POLR3A: variants seen among roughly 807,000 people sequenced by gnomAD.
POLR3A encodes the protein DNA-directed RNA polymerase III subunit RPC1.
POLR3A carries 112 observed loss-of-function variants against 152.8 expected under a neutral mutation model. The ratio of observed to expected loss-of-function variants is 0.73; its 90% CI spans 0.63 to 0.86. The LOEUF (loss-of-function observed/expected upper bound fraction) is 0.86, where lower values mean the gene tolerates loss of function less well. Among genes scored for constraint, POLR3A ranks in the 40% least tolerant of loss-of-function variants. The pLI, the probability that POLR3A is intolerant of heterozygous loss-of-function variation, is 0.00. For missense variants in POLR3A, 1,385 were observed against 1,743.1 expected, an observed-to-expected ratio of 0.79 and a Z score of 3.66; for synonymous variants, 615 against 652.1, an observed-to-expected ratio of 0.94 and a Z score of 0.87.
chr10:77,996,339 C>G (rs572336810), intron 19 of POLR3A, among the ~76,000 whole-genome samples: 137 of 152,126 alleles, frequency 9.0e-4, no homozygotes, highest in Non-Finnish European at 1.8e-3. Context: ...ACTAGAGACA[C>G]AAAAAACCCT....
At chr10:78,011,407 CTG>C (rs558918361) in intron 11 of POLR3A, among the ~76,000 whole-genome samples, 1 of 152,158 alleles carries the variant, frequency 6.6e-6, no homozygotes, top group Non-Finnish European at 1.5e-5. Flanking sequence ...AAAGAAGGCT[CTG>C]TGTGTATGAG....
At chr10:78,019,708 A>G in intron 8 of POLR3A, 1 of 204,298 alleles carries the variant, frequency 4.9e-6, no homozygotes, top group South Asian at 8.6e-5. Flanking sequence ...CTTGTGGAAC[A>G]CCATTTTGGA....
intron 21 of POLR3A, among the ~76,000 whole-genome samples, chr10:77,988,097 C>CA (rs1297199594): frequency 6.6e-6 from 1 of 152,220 alleles, no homozygotes; most frequent in Admixed American, 6.5e-5. Context: ...TGTCAGTTCC[C>CA]ATGAATACTG....
chr10:77,982,826 T>C lies in POLR3A; in HGVS notation c.3430-9A>G, dbSNP rs757870954. 1 of 1,612,668 alleles carries C rather than the reference T, an allele frequency of 6.2e-7. No individual in the cohort carries two copies. ...ACTGTCTCAGCGTTCACCTGCAACA[T>C]GGCCAGGTGTAGGTGTTACTGATTC... On this transcript the variant is annotated splice_polypyrimidine_tract_variant and intron_variant, in intron 26 of 30. Coordinates refer to ENST00000372371, the MANE Select transcript of POLR3A (RefSeq NM_007055.4).
chr10:77,979,995 C>T, intron 30 of POLR3A, 146 bp downstream of exon 30: 1 of 773,046 alleles, frequency 1.3e-6, no homozygotes, highest in South Asian at 1.4e-5. Flanking sequence ...AAAGATCCAG[C>T]AGTTCCAATT....
chr10:77,982,579 C>G, intron 27 of POLR3A, 74 bp downstream of exon 27: 1 of 1,354,988 alleles, frequency 7.4e-7, no homozygotes, highest in Non-Finnish European at 1.1e-6. Context: ...AGTGACAAAG[C>G]CCTTAGGTCC....
At chr10:77,994,904 C>A (rs946818812) in intron 19 of POLR3A, among the ~76,000 whole-genome samples, 5 of 152,052 alleles carry the variant, frequency 3.3e-5, no homozygotes, top group African/African-American at 1.2e-4. Context: ...TTAAGGGCAG[C>A]CAGAGAGAAA....
At chr10:78,018,494 G>A (rs1372264731) in intron 9 of POLR3A, among the ~76,000 whole-genome samples, 1 of 147,526 alleles carries the variant, frequency 6.8e-6, no homozygotes, top group Non-Finnish European at 1.5e-5. Context: ...GCAAGACTCT[G>A]TCTTGAAAAA....
chr10:78,026,867 A>G (rs947421048), intron 1 of POLR3A, among the ~76,000 whole-genome samples: 2 of 152,176 alleles, frequency 1.3e-5, no homozygotes, highest in East Asian at 1.9e-4. Context: ...AGGCACTTCA[A>G]ACCCCACACA....
intron 5 of POLR3A, among the ~76,000 whole-genome samples, chr10:78,023,340 G>A (rs1847598689): frequency 6.6e-6 from 1 of 151,290 alleles, no homozygotes; most frequent in Non-Finnish European, 1.5e-5. Flanking sequence ...GGCACTTGTA[G>A]TCCCAGCAAC....
At position 78,010,538 on chromosome 10, in the gene POLR3A, A is replaced by C. The variant is rs138538977; in HGVS notation, c.1575T>G (p.Thr525=). The change falls in exon 12 of 31, where the codon ACT becomes ACG. Residue 525 remains threonine, a splice_region_variant and synonymous_variant. Transcript: ENST00000372371. ...TCCTCGGGGTTACAAGATTTGCTTT[A>C]GTCTGTAGGAAAAGTAAGCGCAGTC... is the stretch of plus-strand genomic sequence containing the variant. ...AKAEALVLMG[T]KANLVTPRNG... is the part of the protein sequence containing the mutation. 4.1e-4 allele frequency: 666 copies of C among 1,613,426 alleles called. 2 individuals carry two copies. The African/African-American group carries it at 7.7e-3, about 19-fold the overall frequency.
At chr10:78,008,000 G>T in intron 14 of POLR3A, 134 bp from the exon 15 acceptor site, 1 of 158,276 alleles carries the variant, frequency 6.3e-6, no homozygotes, top group Non-Finnish European at 1.2e-5. Context: ...TCTCCTCAAA[G>T]CTTTTTTTTG....
intron 20 of POLR3A, 41 bp downstream of exon 20, chr10:77,993,156 C>A (rs1398128782): frequency 1.3e-6 from 2 of 1,525,216 alleles, no homozygotes; most frequent in East Asian, 4.5e-5. Context: ...AAGAAACATC[C>A]TTAAAAACAC....
chr10:78,010,676 G>A, intron 11 of POLR3A, 136 bp from the exon 12 acceptor site: 1 of 727,542 alleles, frequency 1.4e-6, no homozygotes, highest in Non-Finnish European at 2.5e-6. Context: ...ATGAAAGCCA[G>A]GGGTCTGAAT....
rs1403077422 is a variant in POLR3A at position 78,021,872 on chromosome 10, T to G, written c.1036A>C (p.Lys346Gln). 6.2e-7 allele frequency: 1 copy of G among 1,613,930 alleles called. No individual in the cohort carries two copies. Among genetic ancestry groups the G allele is most frequent in the Admixed American group, 1.7e-5 (1 of 60,020 alleles). Reference protein sequence around the residue: ...KWTRGFVQRLKGKQGRFRGNL... With the variant: ...KWTRGFVQRLQGKQGRFRGNL... ...GTGGGAAACCTACCCTGTTTTCCCT[T>G]CAGGCGTTGGACGAAGCCTCTGGTC... Residue 346 changes from lysine (K) to glutamine (Q), a missense_variant, in exon 7 of 31, where the codon AAG (lysine) becomes CAG (glutamine). Around this residue, in one of 7 missense-constraint regions of POLR3A, gnomAD observed 493 missense variants for 647.5 expected, o/e 0.76. Transcript: ENST00000372371.
At chr10:77,983,080 C>T (rs1329155967) in intron 26 of POLR3A, among the ~76,000 whole-genome samples, 1 of 152,140 alleles carries the variant, frequency 6.6e-6, no homozygotes, top group Non-Finnish European at 1.5e-5. Flanking sequence ...TTCATGGCAA[C>T]ACACGCAGCC....
At position 77,980,272 on chromosome 10, in the gene POLR3A, C is replaced by T. The variant is rs758997758; in HGVS notation, c.3893G>A (p.Gly1298Asp). The change falls in exon 30 of 31, where the codon GGT becomes GAT. Residue 1298 changes from glycine to aspartate, a missense_variant and splice_region_variant. By Grantham distance (94) the Gly-to-Asp change is moderately conservative (BLOSUM62 -1). Around this residue, in one of 7 missense-constraint regions of POLR3A, gnomAD observed 332 missense variants for 400.1 expected, o/e 0.83. Transcript: ENST00000372371. ...AAACCTAGTGATGCCCAGGACTTCA[C>T]CCTGCGTCAAGGGAGAAAGAGTCAC... ...MLLSDLMTYKGEVLGITRFGL... is the reference protein window; with the variant it reads ...MLLSDLMTYKDEVLGITRFGL... 1 of 1,614,056 alleles carries T rather than the reference C, an allele frequency of 6.2e-7. No homozygotes were observed. The highest frequency in any genetic ancestry group is 8.5e-7 in the Non-Finnish European group (1 of 1,179,976).
At position 78,001,036 on chromosome 10, in the gene POLR3A, G is replaced by T; in HGVS notation, c.2418C>A (p.Gly806=). 1 of 1,612,386 alleles carries T rather than the reference G, an allele frequency of 6.2e-7. No homozygotes were observed. Among genetic ancestry groups the T allele is most frequent in the Non-Finnish European group, 8.5e-7 (1 of 1,178,660 alleles). ...IACVGQQAIS[G]SRVPDGFENR... ...TTTCAAAGCCGTCTGGCACTCGAGA[G>T]CCACTGATGGCCTGCTGTCCCACAC... Residue 806 remains glycine (G), a synonymous_variant, in exon 18 of 31, where the codon GGC becomes GGA. Coordinates refer to ENST00000372371, the MANE Select transcript of POLR3A (RefSeq NM_007055.4).
At chr10:78,002,099 T>C in intron 17 of POLR3A, 98 bp downstream of exon 17, 1 of 687,178 alleles carries the variant, frequency 1.5e-6, no homozygotes, top group Admixed American at 2.8e-5. Flanking sequence ...CTTAAATAAA[T>C]GAAATGTCTG....
Sources: allele counts gnomAD v4.1 joint callset (sites outside exome capture counted in the v4.1 genomes callset), GRCh38; gene constraint gnomAD v4.1.1; regional missense constraint gnomAD v4.1.1; transcripts MANE v1.5; gene names NCBI Gene and HGNC (gene_info 2026-07-23, HGNC 2026-07-21).